The following PRKG1 variants were observed in gnomAD, a reference collection of about 807,000 sequenced individuals.
PRKG1 encodes the protein protein kinase cGMP-dependent 1, also known as cGMP-dependent protein kinase 1.
In PRKG1, 35 loss-of-function variants were observed where a neutral mutation model predicts 88.1. The ratio of observed to expected loss-of-function variants is 0.40; its 90% CI spans 0.30 to 0.53. The LOEUF (loss-of-function observed/expected upper bound fraction) is 0.53, where lower values mean the gene tolerates loss of function less well. PRKG1 is among the 20% of genes least tolerant of loss of function. PRKG1 has a pLI of 0.59. For missense variants in PRKG1, 540 were observed against 839.8 expected (o/e 0.64, Z 4.41); for synonymous variants, 303 against 292.5 (o/e 1.04, Z -0.37).
At chr10:51,991,755 C>A (rs190465794) in intron 5 of PRKG1, among the ~76,000 whole-genome samples, 210 of 152,266 alleles carry the variant, frequency 1.4e-3, no homozygotes, top group African/African-American at 5.0e-3. Flanking sequence ...GTATATGTGC[C>A]ACATTTTCTT....
At chr10:51,944,895 T>A (rs1004778407) in intron 5 of PRKG1, among the ~76,000 whole-genome samples, 22 of 152,022 alleles carry the variant, frequency 1.4e-4, no homozygotes, top group African/African-American at 4.4e-4. Context: ...AGTTTTGGAA[T>A]AGGTGTGGTG....
At chr10:51,924,532 T>C (rs12262767) in intron 5 of PRKG1, among the ~76,000 whole-genome samples, 13,218 of 152,142 alleles carry the variant, frequency 0.087, 740 homozygotes, top group African/African-American at 0.15. Flanking sequence ...TGGGTGTTTA[T>C]TCTGTTTGAT....
intron 2 of PRKG1, among the ~76,000 whole-genome samples, chr10:51,392,734 G>A (rs1210552070): frequency 3.0e-5 from 4 of 135,082 alleles, no homozygotes; most frequent in Admixed American, 7.2e-5. Flanking sequence ...CTCACCTCCC[G>A]GACGGGGCGG....
chr10:52,064,772 G>A (rs760313242), intron 7 of PRKG1, among the ~76,000 whole-genome samples: 4 of 152,118 alleles, frequency 2.6e-5, no homozygotes, highest in East Asian at 3.9e-4. Flanking sequence ...TCCTGTCCCC[G>A]GCTCCTGCTG....
At chr10:51,577,731 GT>G (rs1205769602) in intron 3 of PRKG1, among the ~76,000 whole-genome samples, 1 of 152,028 alleles carries the variant, frequency 6.6e-6, no homozygotes, top group African/African-American at 2.4e-5. Context: ...ATGTCTTGGA[GT>G]TTTGTTTTGG....
intron 5 of PRKG1, among the ~76,000 whole-genome samples, chr10:52,029,287 A>G (rs1312070839): frequency 1.3e-5 from 2 of 152,184 alleles, no homozygotes; most frequent in Non-Finnish European, 2.9e-5. Flanking sequence ...ATTTCTTTCC[A>G]TTATAGTTGT....
In PRKG1 at chr10:51,843,304, A is replaced by T. The variant is rs1379326978; in HGVS notation, c.698+38614A>T. Among the ~76,000 whole-genome samples the T allele has an allele frequency of 2.0e-5, 3 of 152,114 alleles. No individual in the cohort carries two copies. The East Asian group carries it at 5.8e-4, about 29-fold the overall frequency. On this transcript the variant is annotated intron_variant, in intron 4 of 17. Coordinates refer to ENST00000373980, the MANE Select transcript of PRKG1 (RefSeq NM_006258.4). Reference sequence around the variant, plus strand: ...TTTGATGTGCTTTTCTTTCTCAGAGAAAACAAAGAAAGTTCATGTGATCAA... The same window carrying T: ...TTTGATGTGCTTTTCTTTCTCAGAGTAAACAAAGAAAGTTCATGTGATCAA...
intron 4 of PRKG1, among the ~76,000 whole-genome samples, chr10:51,860,216 C>CT (rs1350997375): frequency 6.6e-6 from 1 of 152,138 alleles, no homozygotes; most frequent in Non-Finnish European, 1.5e-5. Flanking sequence ...TAAGTTTGTA[C>CT]TTTCGAAAAA....
chr10:51,368,090 C>T (rs944782531), intron 2 of PRKG1, among the ~76,000 whole-genome samples: 2 of 151,998 alleles, frequency 1.3e-5, no homozygotes, highest in African/African-American at 4.8e-5. Flanking sequence ...TTCCTAAGAA[C>T]ATCATAGAGC....
chr10:51,367,429 G>T (rs1457343496), intron 2 of PRKG1, among the ~76,000 whole-genome samples: 4 of 151,862 alleles, frequency 2.6e-5, no homozygotes, highest in African/African-American at 9.7e-5. Flanking sequence ...CCAAATGTGC[G>T]TATGTACAAA....
chr10:51,903,990 T>C (rs1001653432), intron 4 of PRKG1, among the ~76,000 whole-genome samples: 2 of 152,158 alleles, frequency 1.3e-5, no homozygotes, highest in Non-Finnish European at 1.5e-5. Flanking sequence ...CTTAGCTCAG[T>C]GCCTGGCAAA....
intron 3 of PRKG1, among the ~76,000 whole-genome samples, chr10:51,494,722 A>G (rs1358727724): frequency 6.6e-6 from 1 of 152,222 alleles, no homozygotes; most frequent in Non-Finnish European, 1.5e-5. Context: ...TAAAACCAGG[A>G]TAGTTTCAGT....
At chr10:52,072,465 G>A (rs1485460013) in intron 7 of PRKG1, among the ~76,000 whole-genome samples, 1 of 152,086 alleles carries the variant, frequency 6.6e-6, no homozygotes, top group East Asian at 1.9e-4. Flanking sequence ...TATAGGAAAA[G>A]CACAGAGTAT....
rs540574961 is a variant in PRKG1 at position 52,149,516 on chromosome 10, G to T, written c.1002-12373G>T. Reference sequence around the variant, plus strand: ...GGTTAAATGAGGTCATAAGGGTGGGGCCCTAAACCTGTGGGACTGGAGTCC... The same window carrying T: ...GGTTAAATGAGGTCATAAGGGTGGGTCCCTAAACCTGTGGGACTGGAGTCC... On this transcript the variant is annotated intron_variant, in intron 8 of 17. Transcript: ENST00000373980. 6.6e-5 allele frequency among the ~76,000 whole-genome samples: 10 copies of T among 152,124 alleles called. No individual in the cohort carries two copies. In the East Asian group the frequency reaches 1.9e-3, roughly 30 times the overall value.
At chr10:51,639,051 G>A (rs1016439955) in intron 3 of PRKG1, among the ~76,000 whole-genome samples, 2 of 151,906 alleles carry the variant, frequency 1.3e-5, no homozygotes, top group East Asian at 1.9e-4. Flanking sequence ...AATTGCTTTG[G>A]ATTTTTTTTT....
intron 3 of PRKG1, among the ~76,000 whole-genome samples, chr10:51,794,292 G>A (rs1838951723): frequency 6.6e-6 from 1 of 152,010 alleles, no homozygotes; most frequent in Non-Finnish European, 1.5e-5. Flanking sequence ...TGTAGTAATG[G>A]ACAGATCATA....
chr10:52,177,136 G>A (rs1838888264), intron 9 of PRKG1, among the ~76,000 whole-genome samples: 1 of 152,034 alleles, frequency 6.6e-6, no homozygotes, highest in African/African-American at 2.4e-5. Flanking sequence ...CATTCAGTAT[G>A]TTAGGTGACT....
At chr10:51,887,534 C>T (rs1261727674) in intron 4 of PRKG1, among the ~76,000 whole-genome samples, 1 of 152,184 alleles carries the variant, frequency 6.6e-6, no homozygotes, top group African/African-American at 2.4e-5. Context: ...TTCCCATCAA[C>T]AGTGTATAAG....
chr10:51,172,335 T>C (rs940806537), intron 2 of PRKG1, among the ~76,000 whole-genome samples: 2 of 152,080 alleles, frequency 1.3e-5, no homozygotes, highest in African/African-American at 2.4e-5. Flanking sequence ...GCATAAGCTA[T>C]ATAACATTTA....
Sources: gnomAD v4.1 joint callset for allele counts (sites outside exome capture counted in the v4.1 genomes callset) on GRCh38, gnomAD v4.1.1 for gene constraint, MANE v1.5 for transcripts, NCBI Gene and HGNC (gene_info 2026-07-23, HGNC 2026-07-21) for gene names.